Variants in ZRANB1 observed in about 807,000 individuals in gnomAD.
ZRANB1 encodes ubiquitin thioesterase ZRANB1.
ZRANB1 carries 16 observed loss-of-function variants against 80.5 expected under a neutral mutation model. The ratio of observed to expected loss-of-function variants is 0.20; its 90% CI spans 0.13 to 0.30. The LOEUF (loss-of-function observed/expected upper bound fraction) is 0.30, where lower values mean the gene tolerates loss of function less well. ZRANB1 is among the 10% of genes least tolerant of loss of function. The pLI is 1.00. For missense variants in ZRANB1, 576 were observed against 862.6 expected (o/e 0.67, Z 4.16); for synonymous variants, 291 against 293.1 (o/e 0.99, Z 0.07).
chr10:124,957,977 G>C (rs1951700637), intron 1 of ZRANB1, among the ~76,000 whole-genome samples: 2 of 152,176 alleles, frequency 1.3e-5, no homozygotes, highest in Non-Finnish European at 2.9e-5. Flanking sequence ...TGATCCACCT[G>C]CCTCGGCCTC....
chr10:124,923,051 G>C, the ZRANB1 span, among the ~76,000 whole-genome samples: 625 of 152,106 alleles, frequency 4.1e-3, 5 homozygotes, highest in African/African-American at 0.014. Context: ...CACATTAGGA[G>C]GCCTAGGCGG....
At chr10:124,945,180 G>A (rs1451317220) in intron 1 of ZRANB1, 1 of 152,156 alleles carries the variant, frequency 6.6e-6, no homozygotes, top group Non-Finnish European at 1.5e-5. Flanking sequence ...CCTCTGTGTT[G>A]TTCCAGAACA....
intron 5 of ZRANB1, among the ~76,000 whole-genome samples, chr10:124,975,511 A>G (rs1479317439): frequency 6.6e-6 from 1 of 152,202 alleles, no homozygotes; most frequent in African/African-American, 2.4e-5. Context: ...TGTTCTTTAT[A>G]TATATATTTT....
chr10:124,936,876 T>A, the ZRANB1 span, among the ~76,000 whole-genome samples: 1 of 152,190 alleles, frequency 6.6e-6, no homozygotes, highest in Non-Finnish European at 1.5e-5. Context: ...CAGATTTATA[T>A]TAATAAGCTA....
upstream of ZRANB1, among the ~76,000 whole-genome samples, chr10:124,940,273 GAGT>G (rs1362643607): frequency 1.3e-5 from 2 of 152,216 alleles, no homozygotes; most frequent in African/African-American, 4.8e-5. Context: ...TAAAATAAGT[GAGT>G]AGGGTTAAAA....
chr10:124,918,871 ATAG>A, the ZRANB1 span, among the ~76,000 whole-genome samples: 7 of 152,268 alleles, frequency 4.6e-5, no homozygotes, highest in South Asian at 1.5e-3. Context: ...GGTTTACGAG[ATAG>A]TAGGACAGTA....
At chr10:124,934,518 A>T in the ZRANB1 span, among the ~76,000 whole-genome samples, 1 of 152,242 alleles carries the variant, frequency 6.6e-6, no homozygotes, top group East Asian at 1.9e-4. Flanking sequence ...TGGATGGTAG[A>T]CTTTCAGAGC....
At chr10:124,974,505 G>C in intron 5 of ZRANB1, 107 bp downstream of exon 5, 1 of 1,161,904 alleles carries the variant, frequency 8.6e-7, no homozygotes, top group South Asian at 1.5e-5. Flanking sequence ...ATGGAAACTG[G>C]AGGAAAAACA....
chr10:124,923,862 A>G, the ZRANB1 span, among the ~76,000 whole-genome samples: 6 of 151,760 alleles, frequency 4.0e-5, no homozygotes, highest in African/African-American at 1.5e-4. Flanking sequence ...CATGGGGATT[A>G]CAGTTGGCAA....
chr10:124,944,490 C>T (rs967486667), intron 1 of ZRANB1, among the ~76,000 whole-genome samples: 1 of 96,800 alleles, frequency 1.0e-5, no homozygotes, highest in African/African-American at 4.0e-5. Context: ...TCATTCCCCC[C>T]CCCCCCCCGC....
intron 5 of ZRANB1, chr10:124,981,360 T>G (rs1951930938): frequency 5.6e-6 from 1 of 180,044 alleles, no homozygotes; most frequent in African/African-American, 2.4e-5. Context: ...GATAGAGAAA[T>G]GTAGTGTCTT....
rs572934283 is a variant in ZRANB1, at chr10:124,960,437, C to T, written c.815-6157C>T. ...TATCCTTTCTTCCTTGCCCCTGCTTCGTTTTTTAAACAGAGACAGGGTCTC... is the reference window on the plus strand; with the variant it reads ...TATCCTTTCTTCCTTGCCCCTGCTTTGTTTTTTAAACAGAGACAGGGTCTC... On this transcript the variant is annotated intron_variant, in intron 1 of 8. Transcript: ENST00000359653. Among the ~76,000 whole-genome samples, 18 of 152,220 alleles carry T rather than the reference C, an allele frequency of 1.2e-4. No individual in the cohort carries two copies. In the East Asian group the frequency reaches 2.1e-3, roughly 18 times the overall value.
intron 1 of ZRANB1, among the ~76,000 whole-genome samples, chr10:124,953,553 A>G (rs981578090): frequency 3.3e-5 from 5 of 152,182 alleles, no homozygotes; most frequent in East Asian, 3.8e-4. Context: ...GCTACTTGCT[A>G]ATATTTTACA....
At chr10:124,918,397 T>G in the ZRANB1 span, among the ~76,000 whole-genome samples, 1 of 152,082 alleles carries the variant, frequency 6.6e-6, no homozygotes, top group South Asian at 2.1e-4. Context: ...TCCATGTTGG[T>G]CAGGCTGGTC....
At chr10:124,925,667 T>C in the ZRANB1 span, among the ~76,000 whole-genome samples, 1 of 152,218 alleles carries the variant, frequency 6.6e-6, no homozygotes, top group South Asian at 2.1e-4. Flanking sequence ...TATGTTTTCT[T>C]CTAAGAGTTT....
chr10:124,941,015 A>AAC (rs1564953881), upstream of ZRANB1, among the ~76,000 whole-genome samples: 25 of 149,258 alleles, frequency 1.7e-4, no homozygotes, highest in African/African-American at 6.4e-4. Flanking sequence ...ACAACAACAA[A>AAC]AAAACAAACA....
At chr10:124,925,650 G>A in the ZRANB1 span, among the ~76,000 whole-genome samples, 1 of 152,148 alleles carries the variant, frequency 6.6e-6, no homozygotes, top group South Asian at 2.1e-4. Context: ...CCAGGGTCAT[G>A]ACAATTTATG....
At chr10:124,924,602 C>T in the ZRANB1 span, among the ~76,000 whole-genome samples, 7 of 152,090 alleles carry the variant, frequency 4.6e-5, no homozygotes, top group Admixed American at 4.6e-4. Context: ...GCTTTTTTCT[C>T]TTATAATACT....
chr10:124,957,914 A>AG (rs1165116007), intron 1 of ZRANB1, among the ~76,000 whole-genome samples: 1 of 152,000 alleles, frequency 6.6e-6, no homozygotes, highest in Non-Finnish European at 1.5e-5. Flanking sequence ...TTTTTAATAG[A>AG]GTCGGGGGTT....
Sources: allele counts gnomAD v4.1 joint callset (sites outside exome capture counted in the v4.1 genomes callset), GRCh38; gene constraint gnomAD v4.1.1; transcripts MANE v1.5; gene names NCBI Gene and HGNC (gene_info 2026-07-23, HGNC 2026-07-21).